MAP3K19: variants seen among roughly 807,000 people sequenced by gnomAD.
The protein encoded by MAP3K19 is mitogen-activated protein kinase kinase kinase 19, also known as SPS1/STE20-related protein kinase YSK4.
A neutral mutation model predicts 114.4 loss-of-function variants in MAP3K19; 91 were observed. The observed-to-expected ratio is 0.80, with a 90% CI of 0.67 to 0.95. The LOEUF (loss-of-function observed/expected upper bound fraction) is 0.95, where lower values mean the gene tolerates loss of function less well. MAP3K19 is among the 40% of genes least tolerant of loss of function. The probability of loss-of-function intolerance (pLI) is 0.00; values close to 1 mark genes in which losing one functional copy is unlikely to be tolerated. For synonymous variants in MAP3K19, 518 were observed against 530.5 expected (o/e 0.98, Z 0.32); for missense variants, 1,471 against 1,573.2 (o/e 0.94, Z 1.10).
chr2:134,968,569 C>T (rs1458286672), intron 12 of MAP3K19, among the ~76,000 whole-genome samples: 3 of 150,774 alleles, frequency 2.0e-5, no homozygotes, highest in East Asian at 2.0e-4. Flanking sequence ...GGCTGCCGGG[C>T]GGAGGGGCTC....
intron 12 of MAP3K19, among the ~76,000 whole-genome samples, chr2:134,971,101 A>G (rs931654120): frequency 1.3e-5 from 2 of 152,194 alleles, no homozygotes; most frequent in Admixed American, 6.5e-5. Flanking sequence ...TTCTATGCCT[A>G]GTTTGTTGAT....
At position 134,980,974 on chromosome 2, in the gene MAP3K19, G is replaced by A; in HGVS notation, c.3767C>T (p.Thr1256Ile). The A allele has an allele frequency of 6.2e-7, 1 of 1,614,170 alleles. No homozygotes were observed. Among genetic ancestry groups the A allele is most frequent in the Non-Finnish European group, 8.5e-7 (1 of 1,180,034 alleles). ...RKSDIWSIGC[T>I]VFEMATGKPP... is the part of the protein sequence containing the mutation. ...CTTCCCTGTAGCCATCTCAAACACA[G>A]TACAACCAATGCTCCAGATATCTGA... The change falls in exon 12 of 13, where the codon ACT (threonine) becomes ATT (isoleucine). Residue 1256 changes from threonine to isoleucine, a missense_variant. Physicochemically the swap from Thr to Ile is moderately conservative, Grantham distance 89. Coordinates refer to ENST00000392915, the MANE Select transcript of MAP3K19 (RefSeq NM_025052.5).
At chr2:135,046,148 G>A (rs987233404) in intron 1 of MAP3K19, among the ~76,000 whole-genome samples, 6 of 152,116 alleles carry the variant, frequency 3.9e-5, no homozygotes, top group African/African-American at 1.4e-4. Context: ...CCCAGGCTTA[G>A]TCACAAACCC....
At chr2:135,005,586 G>T (rs1318169196) in intron 5 of MAP3K19, 55 bp from the exon 6 acceptor site, 7 of 1,346,254 alleles carry the variant, frequency 5.2e-6, no homozygotes, top group Non-Finnish European at 7.4e-6. Context: ...GTACCAGTTT[G>T]TTGGCAGAGT....
At chr2:135,030,615 A>G (rs983448547) in intron 2 of MAP3K19, 115 bp from the exon 3 acceptor site, 1 of 152,232 alleles carries the variant, frequency 6.6e-6, no homozygotes, top group Admixed American at 6.6e-5. Flanking sequence ...GGTAACTGCT[A>G]TTTGCCCTTT....
At chr2:135,039,150 G>A (rs1175604567) in intron 2 of MAP3K19, among the ~76,000 whole-genome samples, 2 of 130,908 alleles carry the variant, frequency 1.5e-5, no homozygotes, top group Non-Finnish European at 3.3e-5. Flanking sequence ...TTTAGCATAT[G>A]TGCTATATTT....
At chr2:135,001,118 G>A (rs1686406752) in intron 6 of MAP3K19, among the ~76,000 whole-genome samples, 1 of 150,596 alleles carries the variant, frequency 6.6e-6, no homozygotes, top group Non-Finnish European at 1.5e-5. Context: ...AATGAAACAA[G>A]TGCATTAAAA....
chr2:135,005,269 C>T (rs1280912818), intron 6 of MAP3K19, among the ~76,000 whole-genome samples, 166 bp downstream of exon 6: 4 of 152,050 alleles, frequency 2.6e-5, no homozygotes, highest in Admixed American at 2.0e-4. Flanking sequence ...AAGCCTAGTA[C>T]CCATTAATTA....
At chr2:134,973,001 G>GT (rs1442694013) in intron 12 of MAP3K19, among the ~76,000 whole-genome samples, 1 of 152,052 alleles carries the variant, frequency 6.6e-6, no homozygotes, top group East Asian at 1.9e-4. Flanking sequence ...AGAATACTTG[G>GT]TATGATTTTG....
At chr2:135,039,374 A>G (rs998745464) in intron 2 of MAP3K19, among the ~76,000 whole-genome samples, 2 of 148,112 alleles carry the variant, frequency 1.4e-5, no homozygotes, top group African/African-American at 5.0e-5. Context: ...CTTGAAACCA[A>G]GAGTTTGAGA....
chr2:135,031,529 T>G (rs1688380768), intron 2 of MAP3K19, among the ~76,000 whole-genome samples: 2 of 152,170 alleles, frequency 1.3e-5, no homozygotes, highest in Non-Finnish European at 2.9e-5. Flanking sequence ...GACAAACCCC[T>G]CTGAGGAGTT....
chr2:135,031,760 G>A (rs1688386033), intron 2 of MAP3K19, among the ~76,000 whole-genome samples: 1 of 152,210 alleles, frequency 6.6e-6, no homozygotes, highest in South Asian at 2.1e-4. Context: ...GTGGCTGAGG[G>A]CATAATCTAG....
At chr2:135,035,360 G>A (rs1238617497) in intron 2 of MAP3K19, among the ~76,000 whole-genome samples, 1 of 152,140 alleles carries the variant, frequency 6.6e-6, no homozygotes, top group African/African-American at 2.4e-5. Context: ...TCGTGCTACT[G>A]CACTCCAGCC....
chr2:135,028,734 C>A (rs569873757), intron 3 of MAP3K19, among the ~76,000 whole-genome samples: 3 of 152,130 alleles, frequency 2.0e-5, no homozygotes, highest in African/African-American at 4.8e-5. Context: ...TTTTATAGAC[C>A]AAAGAAATGC....
intron 6 of MAP3K19, among the ~76,000 whole-genome samples, chr2:135,005,142 T>C (rs1256479037): frequency 6.6e-6 from 1 of 152,206 alleles, no homozygotes; most frequent in Admixed American, 6.5e-5. Context: ...TTATTTATTA[T>C]AATTTTTTTA....
intron 10 of MAP3K19, 58 bp downstream of exon 10, chr2:134,985,742 C>T: frequency 7.1e-7 from 1 of 1,414,298 alleles, no homozygotes; most frequent in Non-Finnish European, 9.6e-7. Flanking sequence ...GGGTTTGAAC[C>T]AGATTGTCTC....
chr2:134,968,505 C>T (rs1484581333), intron 12 of MAP3K19, among the ~76,000 whole-genome samples: 2 of 146,964 alleles, frequency 1.4e-5, no homozygotes, highest in African/African-American at 5.2e-5. Flanking sequence ...CCCCACCTCC[C>T]TCCCGGACGG....
chr2:134,997,812 C>T (rs62168906), intron 8 of MAP3K19, among the ~76,000 whole-genome samples: 2,350 of 82,218 alleles, frequency 0.029, 46 homozygotes, highest in Non-Finnish European at 0.039. Context: ...AGCGAGACTC[C>T]GTCTCAAAAA....
Position 134,985,953 on chromosome 2 carries a change from TAGAC to T in MAP3K19, c.2915_2918del (p.Cys972Ter). 6.2e-7 allele frequency: 1 copy of T among 1,614,156 alleles called. No homozygotes were observed. Among genetic ancestry groups the T allele is most frequent in the Non-Finnish European group, 8.5e-7 (1 of 1,180,004 alleles). On this transcript the variant is annotated frameshift_variant, in exon 10 of 13. Coordinates refer to ENST00000392915, the MANE Select transcript of MAP3K19 (RefSeq NM_025052.5). LOFTEE classifies it high-confidence loss of function. Reference sequence around the variant, plus strand: ...CATCAAGAGCTAATAATTCTGCAGCTAGACAACCTAATAGTTCATCTGTCAATTC... The same window carrying T: ...CATCAAGAGCTAATAATTCTGCAGCTAACCTAATAGTTCATCTGTCAATTC...
Sources: gnomAD v4.1 joint callset for allele counts (sites outside exome capture counted in the v4.1 genomes callset) on GRCh38, gnomAD v4.1.1 for gene constraint, MANE v1.5 for transcripts, NCBI Gene and HGNC (gene_info 2026-07-23, HGNC 2026-07-21) for gene names.